IL6ST: variants seen among roughly 807,000 people sequenced by gnomAD.
The protein encoded by IL6ST is interleukin 6 cytokine family signal transducer.
Under a neutral mutation model 91.3 loss-of-function variants are expected in IL6ST, and 24 were observed. The observed-to-expected ratio is 0.26, with a 90% CI of 0.19 to 0.37. The LOEUF is 0.37. Ranked by LOEUF, IL6ST falls within the 10% of genes least tolerant of loss-of-function variation. The probability of loss-of-function intolerance (pLI) is 1.00; values close to 1 mark genes in which losing one functional copy is unlikely to be tolerated. For missense variants in IL6ST, 914 were observed against 1,078.5 expected, an observed-to-expected ratio of 0.85 and a Z score of 2.14; for synonymous variants, 351 against 373.6, an observed-to-expected ratio of 0.94 and a Z score of 0.70.
chr5:55,969,448 A>C, intron 4 of IL6ST, 102 bp downstream of exon 4: 1 of 748,436 alleles, frequency 1.3e-6, no homozygotes, highest in Non-Finnish European at 2.1e-6. Context: ...CCAAGTCACT[A>C]AGTCCACAAG....
intron 15 of IL6ST, among the ~76,000 whole-genome samples, chr5:55,943,653 C>T (rs1412953477): frequency 6.6e-6 from 1 of 152,132 alleles, no homozygotes; most frequent in Non-Finnish European, 1.5e-5. Context: ...ACCATATGAT[C>T]ATCTCAATAG....
chr5:55,946,198 C>T (rs1164711953), intron 15 of IL6ST, among the ~76,000 whole-genome samples: 2 of 152,110 alleles, frequency 1.3e-5, no homozygotes, highest in Admixed American at 6.5e-5. Flanking sequence ...ACTACACACC[C>T]ACTAGAATGA....
Position 55,963,526 on chromosome 5 carries a change from C to G in IL6ST, c.659-20G>C, listed in dbSNP as rs1332645478. ...GCTTCACTGAAAAATAAAATAAATCCTAAGGTTTATTATGTTTTCCAATTT... is the reference window on the plus strand; with the variant it reads ...GCTTCACTGAAAAATAAAATAAATCGTAAGGTTTATTATGTTTTCCAATTT... On this transcript the variant is annotated intron_variant, in intron 6 of 16. Coordinates refer to ENST00000381298, the MANE Select transcript of IL6ST (RefSeq NM_002184.4). 3.2e-6 allele frequency: 5 copies of G among 1,577,852 alleles called. No individual in the cohort carries two copies. The Admixed American group carries it at 5.3e-5, about 17-fold the overall frequency.
rs1752783021 is a variant in IL6ST at position 55,968,760 on chromosome 5, A to G, written c.371-364T>C. Among the ~76,000 whole-genome samples, 4 of 152,370 alleles carry G rather than the reference A, an allele frequency of 2.6e-5. No individual in the cohort carries two copies. In the South Asian group the frequency reaches 8.3e-4, roughly 32 times the overall value. On this transcript the variant is annotated intron_variant, in intron 4 of 16. Coordinates refer to ENST00000381298, the MANE Select transcript of IL6ST (RefSeq NM_002184.4). ...TGTAAGAGGCAACTAAGTAGAAGCC[A>G]AAATGATTCATTTATATTTCTCTTC...
chr5:55,938,362 A>C lies in IL6ST; in HGVS notation c.*2720T>G, dbSNP rs185859725. Reference sequence around the variant, plus strand: ...TTAAAATTTTAGGTTTTAATGGTACAAAGTGTGAAGTTTTATAGTTTTCTA... The same window carrying C: ...TTAAAATTTTAGGTTTTAATGGTACCAAGTGTGAAGTTTTATAGTTTTCTA... On this transcript the variant is annotated 3_prime_UTR_variant, in exon 17 of 17. Coordinates refer to ENST00000381298, the MANE Select transcript of IL6ST (RefSeq NM_002184.4). The C allele has an allele frequency of 6.0e-4, 115 of 191,570 alleles. 1 individual carries two copies. Among genetic ancestry groups the C allele is most frequent in the African/African-American group, 2.5e-3 (106 of 43,124 alleles). 11.9% of individuals were successfully genotyped at this position (191,570 alleles called of 1,614,324 possible). A position where few individuals can be genotyped will look rare whatever the true frequency, so the allele number is the denominator to read the frequency against.
chr5:55,981,042 T>C (rs572877183), intron 2 of IL6ST, among the ~76,000 whole-genome samples: 2 of 152,214 alleles, frequency 1.3e-5, no homozygotes, highest in South Asian at 4.1e-4. Flanking sequence ...ATGTACTATA[T>C]TCTTGCAACA....
At chr5:55,951,874 T>C (rs1751653985) in intron 13 of IL6ST, 55 bp downstream of exon 13, 1 of 1,137,252 alleles carries the variant, frequency 8.8e-7, no homozygotes, top group African/African-American at 1.6e-5. Flanking sequence ...AAATTAGTAC[T>C]TAAAAGCTTA....
intron 1 of IL6ST, among the ~76,000 whole-genome samples, chr5:55,987,263 T>C (rs1754027193): frequency 6.6e-6 from 1 of 152,248 alleles, no homozygotes; most frequent in African/African-American, 2.4e-5. Context: ...AAAACTGCCT[T>C]TAACATTTTT....
At chr5:55,994,257 G>A (rs1397996291) in intron 1 of IL6ST, 2 of 151,928 alleles carry the variant, frequency 1.3e-5, no homozygotes, top group African/African-American at 4.8e-5. Flanking sequence ...TGTGGAATTC[G>A]TTAGGAATGA....
chr5:55,945,798 GTGCCACCA>G (rs1052654441), intron 15 of IL6ST, among the ~76,000 whole-genome samples: 1 of 151,588 alleles, frequency 6.6e-6, no homozygotes. Context: ...TTACTGACGT[GTGCCACCA>G]TGCCCGGCTA....
At chr5:55,987,880 C>T (rs1424381240) in intron 1 of IL6ST, among the ~76,000 whole-genome samples, 3 of 152,176 alleles carry the variant, frequency 2.0e-5, no homozygotes. Flanking sequence ...CGCCTGTAAT[C>T]CCAGCACTTT....
intron 1 of IL6ST, among the ~76,000 whole-genome samples, chr5:55,993,592 T>C (rs564082562): frequency 3.3e-5 from 5 of 152,256 alleles, no homozygotes; most frequent in South Asian, 4.1e-4. Context: ...ATACTTAAAA[T>C]AAGAAAAAAA....
chr5:55,957,631 T>G (rs2111725348), intron 8 of IL6ST, among the ~76,000 whole-genome samples: 1 of 152,328 alleles, frequency 6.6e-6, no homozygotes, highest in Middle Eastern at 3.4e-3. Context: ...TACTTGAATC[T>G]CCTGTACCAG....
intron 2 of IL6ST, among the ~76,000 whole-genome samples, chr5:55,977,721 G>C (rs2111868030): frequency 6.6e-6 from 1 of 152,232 alleles, no homozygotes; most frequent in Non-Finnish European, 1.5e-5. Flanking sequence ...AGCTACTCGG[G>C]AGGCTGAGGC....
At chr5:55,971,995 C>A (rs1301950500) in intron 3 of IL6ST, among the ~76,000 whole-genome samples, 1 of 152,146 alleles carries the variant, frequency 6.6e-6, no homozygotes, top group Non-Finnish European at 1.5e-5. Flanking sequence ...ATAGCATGGT[C>A]CTTCATCCAG....
chr5:55,992,500 T>C (rs1462746394), intron 1 of IL6ST, among the ~76,000 whole-genome samples: 4 of 152,166 alleles, frequency 2.6e-5, no homozygotes, highest in African/African-American at 9.7e-5. Context: ...TAGACCTACT[T>C]CATAATATTA....
rs1179644588 is a variant in IL6ST, at chr5:55,940,353, C to T, written c.*729G>A. 4.8e-6 allele frequency: 1 copy of T among 208,704 alleles called. No individual in the cohort carries two copies. The highest frequency in any genetic ancestry group is 7.3e-5 in the East Asian group (1 of 13,776). 12.9% of individuals were successfully genotyped at this position (208,704 alleles called of 1,614,324 possible). Reference sequence around the variant, plus strand: ...GGCACTCTGTTGAGTTTGTGAAATGCATCTTCAAAGAGGTTGTCAATAATA... The same window carrying T: ...GGCACTCTGTTGAGTTTGTGAAATGTATCTTCAAAGAGGTTGTCAATAATA... On this transcript the variant is annotated 3_prime_UTR_variant, in exon 17 of 17. Coordinates refer to ENST00000381298, the MANE Select transcript of IL6ST (RefSeq NM_002184.4).
chr5:55,946,598 C>T (rs771301367), intron 15 of IL6ST, among the ~76,000 whole-genome samples: 1 of 152,112 alleles, frequency 6.6e-6, no homozygotes, highest in African/African-American at 2.4e-5. Flanking sequence ...GGGTGGATCA[C>T]TTGAGGTCCG....
chr5:55,984,473 T>C (rs912644995), intron 1 of IL6ST, among the ~76,000 whole-genome samples: 2 of 152,178 alleles, frequency 1.3e-5, no homozygotes, highest in Non-Finnish European at 2.9e-5. Context: ...AAGAATACCA[T>C]GTGAATACAC....
Sources: allele counts gnomAD v4.1 joint callset (sites outside exome capture counted in the v4.1 genomes callset), GRCh38; gene constraint gnomAD v4.1.1; transcripts MANE v1.5; gene names NCBI Gene and HGNC (gene_info 2026-07-23, HGNC 2026-07-21).